The following ACSL3 variants were observed in gnomAD, a reference collection of about 807,000 sequenced individuals.
ACSL3 encodes the protein acyl-CoA synthetase long chain family member 3.
ACSL3 carries 34 observed loss-of-function variants against 84.7 expected under a neutral mutation model. The ratio of observed to expected loss-of-function variants is 0.40; its 90% CI spans 0.31 to 0.53. The LOEUF (loss-of-function observed/expected upper bound fraction) is 0.53. Among genes scored for constraint, ACSL3 ranks in the 20% least tolerant of loss-of-function variants. The pLI, the probability that ACSL3 is intolerant of heterozygous loss-of-function variation, is 0.48. For missense variants in ACSL3, 680 were observed against 873.1 expected (o/e 0.78, Z 2.79); for synonymous variants, 315 against 299.4 (o/e 1.05, Z -0.54).
intron 1 of ACSL3, among the ~76,000 whole-genome samples, chr2:222,873,699 A>G (rs1184972716): frequency 6.6e-6 from 1 of 152,192 alleles, no homozygotes; most frequent in African/African-American, 2.4e-5. Context: ...AGCAATTCCC[A>G]TGTTATTGAA....
chr2:222,924,704 A>G, intron 11 of ACSL3, 109 bp downstream of exon 11: 5 of 1,250,994 alleles, frequency 4.0e-6, no homozygotes, highest in South Asian at 3.1e-5. Context: ...AATATATTTC[A>G]TAAAGTCAAG....
intron 16 of ACSL3, 117 bp downstream of exon 16, chr2:222,934,804 G>A (rs538933054): frequency 7.9e-5 from 86 of 1,093,696 alleles, no homozygotes; most frequent in African/African-American, 2.6e-4. Context: ...CATTTCTACC[G>A]TTAGTATATG....
At chr2:222,868,092 C>T (rs937196683) in intron 1 of ACSL3, among the ~76,000 whole-genome samples, 3 of 151,814 alleles carry the variant, frequency 2.0e-5, no homozygotes, top group African/African-American at 7.3e-5. Flanking sequence ...GGATAATTCA[C>T]GTGTACCCTT....
chr2:222,929,495 A>T (rs1696966728), intron 13 of ACSL3, among the ~76,000 whole-genome samples: 1 of 152,114 alleles, frequency 6.6e-6, no homozygotes, highest in East Asian at 1.9e-4. Flanking sequence ...AAAGATAAAG[A>T]TTCTGGCCGG....
In ACSL3 at chr2:222,939,444, G is replaced by C. The variant is rs546537750; in HGVS notation, c.2006-2053G>C. On this transcript the variant is annotated intron_variant, in intron 16 of 16. Coordinates refer to ENST00000357430, the MANE Select transcript of ACSL3 (RefSeq NM_004457.5). ...CCTCACTGGTGCTGTAGTTGGCCAT[G>C]GTACTGGAGCTCTACCTAGTGTCTG... 1.1e-3 allele frequency among the ~76,000 whole-genome samples: 173 copies of C among 152,254 alleles called. 1 individual carries two copies. Among genetic ancestry groups the C allele is most frequent in the Non-Finnish European group, 1.8e-3 (119 of 68,000 alleles).
rs762458417 is a variant in ACSL3, at chr2:222,918,112, C to G, written c.623C>G (p.Thr208Ser). 6.2e-7 allele frequency: 1 copy of G among 1,611,838 alleles called. No homozygotes were observed. The highest frequency in any genetic ancestry group is 1.3e-5 in the African/African-American group (1 of 74,908). The change falls in exon 6 of 17, where the codon ACC becomes AGC. Residue 208 changes from threonine to serine, a missense_variant. This residue lies in a region of ACSL3 where 333 missense variants were observed against 347.5 expected (regional missense o/e 0.96). Coordinates refer to ENST00000357430, the MANE Select transcript of ACSL3 (RefSeq NM_004457.5). ...CATGCATTAAATGAAACAGAGGTGA[C>G]CAACATCATTACTAGTAAAGAACTC... ...IVHALNETEVTNIITSKELLQ... is the reference protein window; with the variant it reads ...IVHALNETEVSNIITSKELLQ...
intron 11 of ACSL3, among the ~76,000 whole-genome samples, chr2:222,925,414 C>T (rs940897311): frequency 6.6e-6 from 1 of 151,658 alleles, no homozygotes; most frequent in African/African-American, 2.4e-5. Context: ...CAAGACCAGC[C>T]TGGGCAACAT....
intron 4 of ACSL3, among the ~76,000 whole-genome samples, chr2:222,913,001 A>G (rs561292591): frequency 6.6e-6 from 1 of 152,232 alleles, no homozygotes; most frequent in East Asian, 1.9e-4. Context: ...CAACCTTAAA[A>G]TACATGTATA....
chr2:222,913,681 A>G (rs1304221847), intron 4 of ACSL3, among the ~76,000 whole-genome samples: 2 of 152,202 alleles, frequency 1.3e-5, no homozygotes, highest in Non-Finnish European at 2.9e-5. Context: ...CACCTGCTTA[A>G]TAAGACCCGG....
chr2:222,906,508 G>A (rs1419313616), intron 3 of ACSL3, among the ~76,000 whole-genome samples: 1 of 152,070 alleles, frequency 6.6e-6, no homozygotes, highest in African/African-American at 2.4e-5. Flanking sequence ...TTTGAGGCTT[G>A]TCATGTCAAA....
chr2:222,869,084 T>C (rs892742122), intron 1 of ACSL3, among the ~76,000 whole-genome samples: 3 of 152,236 alleles, frequency 2.0e-5, no homozygotes, highest in Admixed American at 2.0e-4. Flanking sequence ...AAGGGTCTAC[T>C]CTTGTTAGTT....
chr2:222,901,964 A>AAATG lies in ACSL3; in HGVS notation c.-41+1184_-41+1185insAATG, dbSNP rs57522671. ...GTCTCAAAAAAAAAAAAAAAAAAAA[A>AAATG]GAACTCAAATATTGTTGAGGTAGCA... is the stretch of plus-strand genomic sequence containing the variant. On this transcript the variant is annotated intron_variant, in intron 3 of 16. Coordinates refer to ENST00000357430, the MANE Select transcript of ACSL3 (RefSeq NM_004457.5). Among the ~76,000 whole-genome samples the AAATG allele has an allele frequency of 2.7e-3, 272 of 99,426 alleles. 35 individuals are homozygous for AAATG. Among genetic ancestry groups the AAATG allele is most frequent in the African/African-American group, 0.01 (254 of 24,600 alleles). 65.2% of individuals were successfully genotyped at this position (99,426 alleles called of 152,430 possible).
intron 1 of ACSL3, among the ~76,000 whole-genome samples, chr2:222,883,409 C>G (rs961712203): frequency 9.2e-5 from 14 of 151,538 alleles, no homozygotes; most frequent in African/African-American, 3.2e-4. Context: ...TCTCGAACTC[C>G]CGACCTCAGG....
At chr2:222,916,171 C>G (rs1696575923) in intron 4 of ACSL3, 148 bp from the exon 5 acceptor site, 9 of 487,026 alleles carry the variant, frequency 1.8e-5, no homozygotes, top group Non-Finnish European at 3.0e-5. Flanking sequence ...AGATTTTTCA[C>G]TCAAACTCAG....
chr2:222,898,783 C>T (rs992326570), intron 2 of ACSL3, among the ~76,000 whole-genome samples: 4 of 152,016 alleles, frequency 2.6e-5, no homozygotes, highest in African/African-American at 4.8e-5. Flanking sequence ...GCCGAGATTG[C>T]GCCACTGCAC....
intron 3 of ACSL3, among the ~76,000 whole-genome samples, chr2:222,906,604 G>A (rs1281459153): frequency 6.8e-6 from 1 of 146,312 alleles, no homozygotes; most frequent in Admixed American, 6.9e-5. Flanking sequence ...TGCTGTCACA[G>A]AACTACCAGC....
intron 7 of ACSL3, among the ~76,000 whole-genome samples, chr2:222,920,132 A>G (rs574388988): frequency 1.3e-5 from 2 of 152,196 alleles, no homozygotes; most frequent in African/African-American, 4.8e-5. Context: ...TGACACAAGG[A>G]TTGTAATTTC....
intron 1 of ACSL3, among the ~76,000 whole-genome samples, chr2:222,877,775 T>G (rs958447040): frequency 2.6e-5 from 4 of 152,236 alleles, no homozygotes; most frequent in African/African-American, 9.7e-5. Flanking sequence ...GAATTGCCCT[T>G]GATGCATGGA....
chr2:222,898,198 C>T (rs927044265), intron 2 of ACSL3, among the ~76,000 whole-genome samples: 9 of 152,004 alleles, frequency 5.9e-5, no homozygotes, highest in African/African-American at 1.2e-4. Flanking sequence ...AATTTATAGG[C>T]GCTCTTTGTA....
Sources: allele counts gnomAD v4.1 joint callset (sites outside exome capture counted in the v4.1 genomes callset), GRCh38; gene constraint gnomAD v4.1.1; regional missense constraint gnomAD v4.1.1; transcripts MANE v1.5; gene names NCBI Gene and HGNC (gene_info 2026-07-23, HGNC 2026-07-21).